LARGE1: variants seen among roughly 807,000 people sequenced by gnomAD.
LARGE1 encodes xylosyl- and glucuronyltransferase LARGE1.
In LARGE1, 43 loss-of-function variants were observed where a neutral mutation model predicts 87.6. The observed-to-expected ratio is 0.49, with a 90% CI of 0.38 to 0.63. LARGE1 has a LOEUF of 0.63. Among genes scored for constraint, LARGE1 ranks in the 30% least tolerant of loss-of-function variants. LARGE1 has a pLI of 0.00. For synonymous variants in LARGE1, 434 were observed against 394.6 expected, an observed-to-expected ratio of 1.10 and a Z score of -1.18; for missense variants, 802 against 1,000.2, an observed-to-expected ratio of 0.80 and a Z score of 2.67.
the LARGE1 span, among the ~76,000 whole-genome samples, chr22:33,104,321 G>A: frequency 4.6e-5 from 7 of 152,220 alleles, no homozygotes; most frequent in Non-Finnish European, 1.0e-4. Flanking sequence ...GATAGGATAA[G>A]ACAGCTCATA....
At chr22:33,602,660 C>T (rs892417319) in intron 5 of LARGE1, among the ~76,000 whole-genome samples, 3 of 151,990 alleles carry the variant, frequency 2.0e-5, no homozygotes, top group African/African-American at 7.3e-5. Context: ...AGGTGTGTGC[C>T]GTCACACTTG....
At chr22:33,084,487 T>G in the LARGE1 span, among the ~76,000 whole-genome samples, 6 of 150,994 alleles carry the variant, frequency 4.0e-5, no homozygotes, top group African/African-American at 1.2e-4. Context: ...AGTGAGACCT[T>G]GTCTCTCGAA....
the LARGE1 span, among the ~76,000 whole-genome samples, chr22:33,113,456 C>A: frequency 6.6e-6 from 1 of 152,238 alleles, no homozygotes; most frequent in Non-Finnish European, 1.5e-5. Context: ...ATCCACCCGC[C>A]TTGACCTCCC....
At chr22:33,673,537 C>T (rs547001448) in intron 2 of LARGE1, among the ~76,000 whole-genome samples, 42 of 152,272 alleles carry the variant, frequency 2.8e-4, no homozygotes, top group African/African-American at 9.9e-4. Context: ...GTAAAATATA[C>T]GTAACATAAA....
chr22:33,898,756 AAAAC>A (rs899553833), intron 1 of LARGE1, among the ~76,000 whole-genome samples: 3 of 152,214 alleles, frequency 2.0e-5, no homozygotes, highest in Non-Finnish European at 4.4e-5. Context: ...CTCCATTTCA[AAAAC>A]AAACAAACAA....
At chr22:33,301,728 C>T (rs1043610216) in intron 12 of LARGE1, among the ~76,000 whole-genome samples, 3 of 152,184 alleles carry the variant, frequency 2.0e-5, no homozygotes, top group African/African-American at 7.2e-5. Context: ...AGGGGAACCA[C>T]ATACCTTCCT....
At chr22:33,310,507 C>T (rs559828150) in intron 11 of LARGE1, among the ~76,000 whole-genome samples, 7 of 152,204 alleles carry the variant, frequency 4.6e-5, no homozygotes, top group Non-Finnish European at 7.4e-5. Context: ...ATGGTTGCAA[C>T]GTTCATTCTT....
intron 1 of LARGE1, among the ~76,000 whole-genome samples, chr22:33,877,386 T>A (rs545845298): frequency 1.4e-4 from 21 of 151,696 alleles, no homozygotes; most frequent in African/African-American, 4.4e-4. Flanking sequence ...TCCAAAAAAA[T>A]TTTTTTTCCC....
chr22:33,917,029 A>G (rs2065807678), intron 1 of LARGE1, among the ~76,000 whole-genome samples: 1 of 152,190 alleles, frequency 6.6e-6, no homozygotes, highest in Admixed American at 6.5e-5. Context: ...AATGTGCACT[A>G]CACGTATGGG....
At position 33,699,049 on chromosome 22, in the gene LARGE1, T is replaced by C. The variant is rs1002031366; in HGVS notation, c.107-48381A>G. On this transcript the variant is annotated intron_variant, in intron 2 of 14. Coordinates refer to ENST00000397394, the MANE Select transcript of LARGE1 (RefSeq NM_133642.5). ...GACAGAGACTCGGGGTCCTCCTCTG[T>C]AGGCTGACCTCCCAAAGCTGACCTT... is the stretch of plus-strand genomic sequence containing the variant. 7.2e-5 allele frequency among the ~76,000 whole-genome samples: 11 copies of C among 152,210 alleles called. No individual in the cohort carries two copies. In the East Asian group the frequency reaches 1.5e-3, roughly 21 times the overall value.
chr22:33,801,146 A>C (rs963396262), intron 1 of LARGE1, among the ~76,000 whole-genome samples: 3 of 152,272 alleles, frequency 2.0e-5, no homozygotes, highest in Admixed American at 6.5e-5. Flanking sequence ...GCCATGTAAG[A>C]AGTGCCTTTT....
chr22:33,740,626 T>C (rs1335860202), intron 2 of LARGE1, among the ~76,000 whole-genome samples: 1 of 152,144 alleles, frequency 6.6e-6, no homozygotes, highest in African/African-American at 2.4e-5. Context: ...TGCAATGATC[T>C]AAGAGAAAAA....
chr22:33,903,115 A>G (rs1172813812), intron 1 of LARGE1, among the ~76,000 whole-genome samples: 1 of 152,204 alleles, frequency 6.6e-6, no homozygotes, highest in African/African-American at 2.4e-5. Flanking sequence ...CCAGGCAACA[A>G]GAGCGAAACT....
intron 6 of LARGE1, among the ~76,000 whole-genome samples, chr22:33,505,254 G>A (rs931847315): frequency 1.3e-5 from 2 of 152,242 alleles, no homozygotes; most frequent in African/African-American, 2.4e-5. Context: ...CGGCCTGCTA[G>A]AGCAGACATC....
rs1485682066 is a variant in LARGE1 at position 33,650,533 on chromosome 22, C to T, written c.242G>A (p.Arg81Lys). 5 of 1,611,370 alleles carry T rather than the reference C, an allele frequency of 3.1e-6. No homozygotes were observed. The highest frequency in any genetic ancestry group is 4.2e-6 in the Non-Finnish European group (5 of 1,179,970). ...TCGGCCCTGGGCCAGGCTGAGCTGC[C>T]TGCGGAGGGCGCGGTTCTCCTCCTC... ...EVEEENRALR[R>K]QLSLAQGRAP... The change falls in exon 3 of 15, where the codon AGG becomes AAG. Residue 81 changes from arginine (R) to lysine (K), a missense_variant. Around this residue, in one of 2 missense-constraint regions of LARGE1, gnomAD observed 177 missense variants for 158.3 expected, o/e 1.12. Coordinates refer to ENST00000397394, the MANE Select transcript of LARGE1 (RefSeq NM_133642.5).
chr22:33,451,549 G>C (rs1447817203), intron 6 of LARGE1, among the ~76,000 whole-genome samples: 1 of 148,136 alleles, frequency 6.8e-6, no homozygotes, highest in Non-Finnish European at 1.5e-5. Flanking sequence ...TCCACTCTAT[G>C]GGAGTATCTC....
At chr22:33,440,363 C>T (rs919587458) in intron 6 of LARGE1, among the ~76,000 whole-genome samples, 4 of 152,120 alleles carry the variant, frequency 2.6e-5, no homozygotes, top group African/African-American at 9.7e-5. Context: ...CTGCAGGATG[C>T]TTTCAGTGCT....
At chr22:33,915,547 G>C (rs999355713) in intron 1 of LARGE1, among the ~76,000 whole-genome samples, 1 of 152,102 alleles carries the variant, frequency 6.6e-6, no homozygotes, top group Non-Finnish European at 1.5e-5. Flanking sequence ...CAGACTTAGG[G>C]TTGATAAGGG....
intron 2 of LARGE1, among the ~76,000 whole-genome samples, chr22:33,669,307 T>G (rs188085944): frequency 6.6e-6 from 1 of 152,300 alleles, no homozygotes; most frequent in East Asian, 1.9e-4. Flanking sequence ...ATGTTCTCCT[T>G]AAGTGGAGAT....
Sources: allele counts gnomAD v4.1 joint callset (sites outside exome capture counted in the v4.1 genomes callset), GRCh38; gene constraint gnomAD v4.1.1; regional missense constraint gnomAD v4.1.1; transcripts MANE v1.5; gene names NCBI Gene and HGNC (gene_info 2026-07-23, HGNC 2026-07-21).